ARID3A: variants seen among roughly 807,000 people sequenced by gnomAD.
ARID3A encodes the protein AT-rich interactive domain-containing protein 3A.
ARID3A carries 11 observed loss-of-function variants against 52.7 expected under a neutral mutation model. The ratio of observed to expected loss-of-function variants is 0.21; its 90% CI spans 0.13 to 0.35. The LOEUF is 0.35. ARID3A is among the 10% of genes least tolerant of loss of function. The pLI is 1.00. For synonymous variants in ARID3A, 404 were observed against 359.4 expected (o/e 1.12, Z -1.40); for missense variants, 721 against 838.5 (o/e 0.86, Z 1.73).
intron 3 of ARID3A, among the ~76,000 whole-genome samples, chr19:958,495 G>A (rs11882582): frequency 0.048 from 7,306 of 151,686 alleles, 596 homozygotes; most frequent in African/African-American, 0.17. Flanking sequence ...TGGATTCCCA[G>A]TACCTGTGAC....
intron 8 of ARID3A, among the ~76,000 whole-genome samples, chr19:971,143 A>C (rs1329970591): frequency 6.6e-6 from 1 of 152,122 alleles, no homozygotes; most frequent in Non-Finnish European, 1.5e-5. Context: ...GCATCCATAT[A>C]TATGCACATG....
chr19:937,449 C>T (rs141542554), intron 3 of ARID3A, among the ~76,000 whole-genome samples: 35 of 152,240 alleles, frequency 2.3e-4, no homozygotes, highest in Non-Finnish European at 4.0e-4. Context: ...TTGCCCGTTC[C>T]GCTGTTGGTG....
At position 959,437 on chromosome 19, in the gene ARID3A, G is replaced by A. The variant is rs1184421525; in HGVS notation, c.694-655G>A. Among the ~76,000 whole-genome samples the A allele has an allele frequency of 2.0e-5, 3 of 152,028 alleles. No individual in the cohort carries two copies. Among genetic ancestry groups the A allele is most frequent in the Non-Finnish European group, 4.4e-5 (3 of 68,016 alleles). The stretch of plus-strand genomic sequence containing the variant: ...TGTAGGCATGAGCCACCCCACCTGG[G>A]TAACTTTTTGTTATCATAATGTAGA... On this transcript the variant is annotated intron_variant, in intron 3 of 8. Coordinates refer to ENST00000263620, the MANE Select transcript of ARID3A (RefSeq NM_005224.3). This position sits in a 1 kb window ranked among gnomAD's most constrained non-coding sequence, Gnocchi z 5.0.
chr19:927,118 C>T (rs1301692492), intron 1 of ARID3A, among the ~76,000 whole-genome samples: 1 of 152,062 alleles, frequency 6.6e-6, no homozygotes, highest in African/African-American at 2.4e-5. Flanking sequence ...TTGCACAACT[C>T]TTTAAATAAC....
At chr19:962,151 G>A (rs1220433458) in intron 4 of ARID3A, among the ~76,000 whole-genome samples, 7 of 152,216 alleles carry the variant, frequency 4.6e-5, no homozygotes, top group African/African-American at 7.2e-5. Context: ...GGCCCTTGGA[G>A]CTGAGAATCC....
rs777245711 is a variant in ARID3A at position 929,634 on chromosome 19, C to CCCG, written c.107_109dup (p.Pro36_Gly37insAla). ...GCCCCCCGATCCCCCTGCTGCACCC[C>CCCG]CCGGCCGGGCCCGGGCTGCCCCCGA... On this transcript the variant is annotated inframe_insertion, in exon 2 of 9. Coordinates refer to ENST00000263620, the MANE Select transcript of ARID3A (RefSeq NM_005224.3). This position sits in a 1 kb window ranked among gnomAD's most constrained non-coding sequence, Gnocchi z 6.2. 2.0e-6 allele frequency: 3 copies of CCCG among 1,528,088 alleles called. No individual in the cohort carries two copies. Among genetic ancestry groups the CCCG allele is most frequent in the Non-Finnish European group, 2.6e-6 (3 of 1,143,842 alleles). The allele number at this position is 1,528,088 out of a possible 1,614,324, so 94.7% of individuals were successfully genotyped here. A position where few individuals can be genotyped will look rare whatever the true frequency, so the allele number is the denominator to read the frequency against.
intron 4 of ARID3A, chr19:961,926 CAAAA>C (rs1458148330): frequency 1.3e-5 from 2 of 152,236 alleles, no homozygotes; most frequent in Non-Finnish European, 2.9e-5. Flanking sequence ...CTCAAACAAA[CAAAA>C]AGCAGGCATG....
In ARID3A at chr19:941,491, C is replaced by T. The variant is rs1009731861; in HGVS notation, c.693+8749C>T. ...GGTGTTCGTTTAGGTCTCTGTGTGC[C>T]GAGTGACGTGGCAAACTTCCCACGT... On this transcript the variant is annotated intron_variant, in intron 3 of 8. Coordinates refer to ENST00000263620, the MANE Select transcript of ARID3A (RefSeq NM_005224.3). This position sits in a 1 kb window ranked among gnomAD's most constrained non-coding sequence, Gnocchi z 6.9. 2.0e-5 allele frequency among the ~76,000 whole-genome samples: 3 copies of T among 152,198 alleles called. No individual in the cohort carries two copies. The highest frequency in any genetic ancestry group is 4.1e-4 in the South Asian group (2 of 4,828).
At chr19:933,561 G>A (rs1437558032) in intron 3 of ARID3A, among the ~76,000 whole-genome samples, 2 of 152,130 alleles carry the variant, frequency 1.3e-5, no homozygotes, top group South Asian at 2.1e-4. Context: ...GCAGGGAGGT[G>A]GATGATGGAC....
At chr19:935,458 C>T (rs112201952) in intron 3 of ARID3A, among the ~76,000 whole-genome samples, 4,066 of 152,240 alleles carry the variant, frequency 0.027, 182 homozygotes, top group African/African-American at 0.088. Context: ...TTCTAGAAAG[C>T]GGCCACGGTA....
chr19:930,487 G>T (rs1244738160), intron 2 of ARID3A, among the ~76,000 whole-genome samples: 3 of 149,810 alleles, frequency 2.0e-5, no homozygotes, highest in South Asian at 2.1e-4. Context: ...GGGAGGTGAA[G>T]ATTGCAGTGA....
At chr19:963,961 G>A (rs1456569471) in intron 4 of ARID3A, among the ~76,000 whole-genome samples, 7 of 152,202 alleles carry the variant, frequency 4.6e-5, no homozygotes, top group South Asian at 2.1e-4. Context: ...TCTCCCGCAC[G>A]TCCCTCCTCT....
intron 3 of ARID3A, among the ~76,000 whole-genome samples, chr19:953,121 G>A (rs1324189603): frequency 6.6e-6 from 1 of 151,924 alleles, no homozygotes; most frequent in Non-Finnish European, 1.5e-5. Flanking sequence ...AGCCGGGGCT[G>A]AACTCCCTGG....
chr19:927,313 TGGG>T (rs2037221787), intron 1 of ARID3A, among the ~76,000 whole-genome samples: 2 of 100,396 alleles, frequency 2.0e-5, no homozygotes, highest in South Asian at 6.7e-4. Flanking sequence ...AAAGGGCTCT[TGGG>T]GGGAGGGGTC....
intron 3 of ARID3A, among the ~76,000 whole-genome samples, chr19:936,105 C>A (rs1426989945): frequency 6.6e-6 from 1 of 152,016 alleles, no homozygotes; most frequent in Non-Finnish European, 1.5e-5. Context: ...TGGGATTTTA[C>A]ACGCACAGGC....
rs1227095806 is a variant in ARID3A at position 964,873 on chromosome 19, G to A, written c.991G>A (p.Gly331Ser). ...GTACCCCTACGAGTGTGAGAAGCGG[G>A]GCCTCAGTAACCCCAATGAGCTCCA... ...YLYPYECEKRGLSNPNELQAA... is the reference protein window; with the variant it reads ...YLYPYECEKRSLSNPNELQAA... The change falls in exon 6 of 9, where the codon GGC becomes AGC. Residue 331 changes from glycine to serine, a missense_variant. By Grantham distance (56) the Gly-to-Ser change is moderately conservative. Transcript: ENST00000263620. The surrounding 1 kb of genome is among the most constrained non-coding windows in gnomAD (Gnocchi z 5.7). 1.9e-6 allele frequency: 3 copies of A among 1,613,944 alleles called. No homozygotes were observed. The highest frequency in any genetic ancestry group is 2.2e-5 in the South Asian group (2 of 91,090).
rs1445360684 is a variant in ARID3A, at chr19:944,188, C to A, written c.693+11446C>A. ...CCTGCCTGCGTACTGGGGACACAGC[C>A]GTGCATGAAGCAGAAGCTCCTGCCG... On this transcript the variant is annotated intron_variant, in intron 3 of 8. Coordinates refer to ENST00000263620, the MANE Select transcript of ARID3A (RefSeq NM_005224.3). The surrounding 1 kb of genome is among the most constrained non-coding windows in gnomAD (Gnocchi z 5.9). Among the ~76,000 whole-genome samples the A allele has an allele frequency of 2.0e-5, 3 of 152,036 alleles. No individual in the cohort carries two copies.
chr19:941,910 C>T lies in ARID3A; in HGVS notation c.693+9168C>T, dbSNP rs527475803. ...CTCGCCACGTGTGCGCACGTGTGCC[C>T]GTGACAGACGACCTTCCTGTGTGCC... On this transcript the variant is annotated intron_variant, in intron 3 of 8. Coordinates refer to ENST00000263620, the MANE Select transcript of ARID3A (RefSeq NM_005224.3). The surrounding 1 kb of genome is among the most constrained non-coding windows in gnomAD (Gnocchi z 6.9). Among the ~76,000 whole-genome samples the T allele has an allele frequency of 3.9e-5, 6 of 152,118 alleles. No individual in the cohort carries two copies. The East Asian group carries it at 7.8e-4, about 20-fold the overall frequency.
Position 973,377 on chromosome 19 carries a change from G to A in ARID3A, c.*1312G>A, listed in dbSNP as rs2038321684. 1 of 184,880 alleles carries A rather than the reference G, an allele frequency of 5.4e-6. No individual in the cohort carries two copies. The highest frequency in any genetic ancestry group is 6.2e-5 in the Admixed American group (1 of 16,010). The allele number at this position is 184,880 out of a possible 1,614,324, so 11.5% of individuals were successfully genotyped here. ...GATCTGCCCGCCTTGGCCTCCCAAA[G>A]TGCTGGGATTACAGGCATGAGCCGC... On this transcript the variant is annotated 3_prime_UTR_variant, in exon 9 of 9. Transcript: ENST00000263620.
Sources: gnomAD v4.1 joint callset for allele counts (sites outside exome capture counted in the v4.1 genomes callset) on GRCh38, gnomAD v4.1.1 for gene constraint, Gnocchi (gnomAD v3.1) non-coding constraint, MANE v1.5 for transcripts, NCBI Gene and HGNC (gene_info 2026-07-23, HGNC 2026-07-21) for gene names.